The following NFATC2IP variants were observed in gnomAD, a reference collection of about 807,000 sequenced individuals.
NFATC2IP encodes NFATC2-interacting protein.
Under a neutral mutation model 40.2 loss-of-function variants are expected in NFATC2IP, and 25 were observed. The observed-to-expected ratio is 0.62, with a 90% CI of 0.45 to 0.87. The LOEUF is 0.87. Ranked by LOEUF, NFATC2IP falls within the 40% of genes least tolerant of loss-of-function variation. The pLI is 0.00. For missense variants in NFATC2IP, 553 were observed against 555.6 expected (o/e 1.00, Z 0.05); for synonymous variants, 241 against 236.3 (o/e 1.02, Z -0.18).
chr16:28,954,713 GAGCAGGA>G, intron 3 of NFATC2IP, 31 bp downstream of exon 3: 1 of 1,419,978 alleles, frequency 7.0e-7, no homozygotes, highest in Non-Finnish European at 9.9e-7. Context: ...TGGGCCCTGG[GAGCAGGA>G]AGTGAGTTGG....
chr16:28,958,903 A>C, intron 6 of NFATC2IP, 42 bp downstream of exon 6: 1 of 1,611,212 alleles, frequency 6.2e-7, no homozygotes, highest in Non-Finnish European at 8.5e-7. Flanking sequence ...GGCATTTGCC[A>C]GGGGAAGGGG....
At chr16:28,962,434 T>C (rs750995198) in intron 7 of NFATC2IP, among the ~76,000 whole-genome samples, 2 of 152,158 alleles carry the variant, frequency 1.3e-5, no homozygotes, top group Non-Finnish European at 2.9e-5. Context: ...CCTCTGGATT[T>C]TTATGGAAGC....
intron 5 of NFATC2IP, 81 bp from the exon 6 acceptor site, chr16:28,958,636 G>A: frequency 8.3e-6 from 10 of 1,209,072 alleles, no homozygotes; most frequent in Non-Finnish European, 1.2e-5. Context: ...GCTAAGGCCA[G>A]AGCTTGTGTT....
chr16:28,960,685 G>T (rs1264867955), intron 7 of NFATC2IP, among the ~76,000 whole-genome samples: 1 of 152,132 alleles, frequency 6.6e-6, no homozygotes, highest in Non-Finnish European at 1.5e-5. Context: ...TGTAACCCCA[G>T]CACCTGTAAT....
At chr16:28,958,925 G>C (rs1164169417) in intron 6 of NFATC2IP, 64 bp downstream of exon 6, 1 of 1,605,530 alleles carries the variant, frequency 6.2e-7, no homozygotes, top group Non-Finnish European at 8.5e-7. Flanking sequence ...TATGGGGAGA[G>C]GTTCAGCACG....
At chr16:28,956,576 A>G (rs1310808276) in intron 5 of NFATC2IP, 4 of 525,126 alleles carry the variant, frequency 7.6e-6, no homozygotes, top group Non-Finnish European at 1.4e-5. Flanking sequence ...AAGGCTCCTC[A>G]TAAGCATCCT....
At chr16:28,958,450 T>C (rs928928199) in intron 5 of NFATC2IP, 5 of 375,836 alleles carry the variant, frequency 1.3e-5, no homozygotes, top group African/African-American at 8.4e-5. Context: ...AGCCAGCCTG[T>C]CTAGGTGGCA....
chr16:28,951,462 C>A (rs1964966901), intron 1 of NFATC2IP, 64 bp downstream of exon 1: 1 of 1,327,768 alleles, frequency 7.5e-7, no homozygotes, highest in East Asian at 3.0e-5. Context: ...AGGGAGGGGC[C>A]GGCGTTCGGG....
chr16:28,953,238 CT>C (rs1363353556), intron 2 of NFATC2IP, among the ~76,000 whole-genome samples: 1 of 150,438 alleles, frequency 6.6e-6, no homozygotes, highest in Non-Finnish European at 1.5e-5. Flanking sequence ...CCATGTCTGG[CT>C]TTTTTGTATT....
rs894779283 is a variant in NFATC2IP at position 28,951,097 on chromosome 16, G to T, written c.86G>T (p.Gly29Val). 2.0e-5 allele frequency: 31 copies of T among 1,544,332 alleles called. No individual in the cohort carries two copies. The highest frequency in any genetic ancestry group is 2.7e-5 in the Non-Finnish European group (31 of 1,143,780). ...RGGRGGWGGR[G>V]RRPRAQRSPS... Reference sequence around the variant, plus strand: ...GGTCGGGGCGGCTGGGGCGGTCGGGGCCGGCGTCCTCGGGCCCAGCGGTCT... The same window carrying T: ...GGTCGGGGCGGCTGGGGCGGTCGGGTCCGGCGTCCTCGGGCCCAGCGGTCT... The change falls in exon 1 of 8, where the codon GGC (glycine) becomes GTC (valine). Residue 29 changes from glycine (G) to valine (V), a missense_variant. Coordinates refer to ENST00000320805, the MANE Select transcript of NFATC2IP (RefSeq NM_032815.4).
At position 28,958,765 on chromosome 16, in the gene NFATC2IP, G is replaced by C. The variant is rs199725742; in HGVS notation, c.895G>C (p.Val299Leu). ...VVDHMATHLGVSPSRILLLFG... is the reference protein window; with the variant it reads ...VVDHMATHLGLSPSRILLLFG... ...GGACCACATGGCCACCCACCTTGGG[G>C]TGTCCCCAAGCAGGATCCTTTTGCT... The change falls in exon 6 of 8, where the codon GTG becomes CTG. Residue 299 changes from valine (V) to leucine (L), a missense_variant. Coordinates refer to ENST00000320805, the MANE Select transcript of NFATC2IP (RefSeq NM_032815.4). The C allele has an allele frequency of 6.2e-7, 1 of 1,614,022 alleles. No homozygotes were observed. The highest frequency in any genetic ancestry group is 8.5e-7 in the Non-Finnish European group (1 of 1,179,920).
rs763881584 is a variant in NFATC2IP, at chr16:28,952,221, A to G, written c.460+17A>G. 2 of 1,613,058 alleles carry G rather than the reference A, an allele frequency of 1.2e-6. No individual in the cohort carries two copies. The highest frequency in any genetic ancestry group is 2.2e-5 in the East Asian group (1 of 44,890). On this transcript the variant is annotated intron_variant, in intron 2 of 7. Coordinates refer to ENST00000320805, the MANE Select transcript of NFATC2IP (RefSeq NM_032815.4). ...ATGAGGAAGGTAAGGGAGGGCCTCC[A>G]GGGAGAGGCACGCAGCCGCTGGCTT...
At chr16:28,960,110 G>A (rs1177366367) in intron 7 of NFATC2IP, among the ~76,000 whole-genome samples, 1 of 152,044 alleles carries the variant, frequency 6.6e-6, no homozygotes, top group African/African-American at 2.4e-5. Context: ...GTGATCACAC[G>A]GTGTTCTCCA....
chr16:28,958,449 G>T (rs1057427719), intron 5 of NFATC2IP: 3 of 379,818 alleles, frequency 7.9e-6, no homozygotes, highest in Non-Finnish European at 1.4e-5. Flanking sequence ...CAGCCAGCCT[G>T]TCTAGGTGGC....
intron 2 of NFATC2IP, among the ~76,000 whole-genome samples, chr16:28,953,755 A>G (rs760770859): frequency 6.6e-6 from 1 of 152,040 alleles, no homozygotes; most frequent in Non-Finnish European, 1.5e-5. Flanking sequence ...CTGTTTCTAC[A>G]GAAAAATAAA....
Position 28,955,961 on chromosome 16 carries a change from GT to G in NFATC2IP, c.579-16del. ...CTCTCTCCATTGCCTCCGTCCTGCTGTCTCTTGCTTCTACAGGGATCTGGAC... is the reference window on the plus strand; with the variant it reads ...CTCTCTCCATTGCCTCCGTCCTGCTGCTCTTGCTTCTACAGGGATCTGGAC... On this transcript the variant is annotated splice_polypyrimidine_tract_variant and intron_variant, in intron 3 of 7. Transcript: ENST00000320805. The G allele has an allele frequency of 1.2e-6, 2 of 1,600,846 alleles. No homozygotes were observed. The highest frequency in any genetic ancestry group is 1.7e-6 in the Non-Finnish European group (2 of 1,168,046).
rs993882802 is a variant in NFATC2IP at position 28,964,756 on chromosome 16, T to C, written c.*893T>C. ...TATGCTGTTTTCACTCAATGTGTGC[T>C]AAGATCTAGCCCCATTGACTCTTCT... On this transcript the variant is annotated 3_prime_UTR_variant, in exon 8 of 8. Coordinates refer to ENST00000320805, the MANE Select transcript of NFATC2IP (RefSeq NM_032815.4). 6.6e-6 allele frequency: 1 copy of C among 152,276 alleles called. No individual in the cohort carries two copies. The highest frequency in any genetic ancestry group is 2.4e-5 in the African/African-American group (1 of 41,468). 9.4% of individuals were successfully genotyped at this position (152,276 alleles called of 1,614,324 possible).
intron 7 of NFATC2IP, among the ~76,000 whole-genome samples, chr16:28,961,325 GAAAAAA>G (rs138576594): frequency 1.1e-4 from 6 of 52,210 alleles, no homozygotes; most frequent in African/African-American, 2.4e-4. Flanking sequence ...GACCCTATCT[GAAAAAA>G]AAAAAAAAAA....
intron 7 of NFATC2IP, among the ~76,000 whole-genome samples, chr16:28,962,060 C>T (rs1368342495): frequency 1.3e-5 from 2 of 152,002 alleles, no homozygotes; most frequent in Non-Finnish European, 2.9e-5. Context: ...TGTGCCACTA[C>T]CCTTGGCTAA....
Sources: allele counts gnomAD v4.1 joint callset (sites outside exome capture counted in the v4.1 genomes callset), GRCh38; gene constraint gnomAD v4.1.1; transcripts MANE v1.5; gene names NCBI Gene and HGNC (gene_info 2026-07-23, HGNC 2026-07-21).